Variants in UBE2E2 observed in about 807,000 individuals in gnomAD.
The protein encoded by UBE2E2 is ubiquitin-conjugating enzyme E2 E2.
Under a neutral mutation model 24.7 loss-of-function variants are expected in UBE2E2, and 6 were observed. The observed-to-expected ratio is 0.24, with a 90% CI of 0.13 to 0.48. The LOEUF (loss-of-function observed/expected upper bound fraction) is 0.48, where lower values mean the gene tolerates loss of function less well. UBE2E2 is among the 20% of genes least tolerant of loss of function. UBE2E2 has a pLI of 0.99. For missense variants in UBE2E2, 169 were observed against 245.0 expected (o/e 0.69, Z 2.07); for synonymous variants, 104 against 83.6 (o/e 1.24, Z -1.33).
At chr3:23,251,367 A>G (rs1697570307) in intron 3 of UBE2E2, among the ~76,000 whole-genome samples, 1 of 152,166 alleles carries the variant, frequency 6.6e-6, no homozygotes. Context: ...ATAATGGTCT[A>G]ATTGTGTATC....
intron 4 of UBE2E2, among the ~76,000 whole-genome samples, chr3:23,523,609 T>C (rs1469571621): frequency 8.4e-6 from 1 of 119,462 alleles, no homozygotes; most frequent in African/African-American, 3.1e-5. Context: ...ATAATATTCC[T>C]ATGGGGTGGG....
At chr3:23,329,955 A>T (rs4858500) in intron 3 of UBE2E2, among the ~76,000 whole-genome samples, 1 of 152,068 alleles carries the variant, frequency 6.6e-6, no homozygotes, top group Non-Finnish European at 1.5e-5. Flanking sequence ...CTGCTTCTGC[A>T]TTAAGTGGTA....
At chr3:23,322,409 ATTT>A (rs1694764755) in intron 3 of UBE2E2, among the ~76,000 whole-genome samples, 1 of 152,172 alleles carries the variant, frequency 6.6e-6, no homozygotes, top group Admixed American at 6.5e-5. Context: ...GCTATGAGAA[ATTT>A]CTGTTTTTCC....
intron 3 of UBE2E2, among the ~76,000 whole-genome samples, chr3:23,298,352 C>T (rs1698972267): frequency 6.6e-6 from 1 of 151,858 alleles, no homozygotes; most frequent in African/African-American, 2.4e-5. Context: ...GAGAGGGCAT[C>T]CCTGTCTTGT....
rs560928102 is a variant in UBE2E2 at position 23,419,668 on chromosome 3, C to T, written c.228-79940C>T. 3.3e-5 allele frequency among the ~76,000 whole-genome samples: 5 copies of T among 152,272 alleles called. No individual in the cohort carries two copies. In the South Asian group the frequency reaches 8.3e-4, roughly 25 times the overall value. On this transcript the variant is annotated intron_variant, in intron 3 of 5. Transcript: ENST00000396703. Reference sequence around the variant, plus strand: ...AAAAGCCAAACTAGATTGTGAGCTCCCTGAGAGCAGGGACATACTCCTTTC... The same window carrying T: ...AAAAGCCAAACTAGATTGTGAGCTCTCTGAGAGCAGGGACATACTCCTTTC...
chr3:23,535,152 T>G (rs1318249020), intron 5 of UBE2E2, among the ~76,000 whole-genome samples: 1 of 152,234 alleles, frequency 6.6e-6, no homozygotes, highest in Non-Finnish European at 1.5e-5. Context: ...ATGGGTCACT[T>G]AACTTTCCAC....
rs968474941 is a variant in UBE2E2 at position 23,214,440 on chromosome 3, G to A, written c.177-2822G>A. Among the ~76,000 whole-genome samples, 3 of 151,770 alleles carry A rather than the reference G, an allele frequency of 2.0e-5. No individual in the cohort carries two copies. The East Asian group carries it at 5.8e-4, about 29-fold the overall frequency. The stretch of plus-strand genomic sequence containing the variant: ...AACAGTTTCCTGAATTTTTTGTAGA[G>A]GAGTCTCACTGTGTTGTGCAGGTTG... On this transcript the variant is annotated intron_variant, in intron 2 of 5. Coordinates refer to ENST00000396703, the MANE Select transcript of UBE2E2 (RefSeq NM_152653.4).
At chr3:23,259,157 G>T (rs1436928171) in intron 3 of UBE2E2, among the ~76,000 whole-genome samples, 1 of 152,064 alleles carries the variant, frequency 6.6e-6, no homozygotes, top group Non-Finnish European at 1.5e-5. Context: ...TTACCAACCA[G>T]CACTTCTGCG....
intron 3 of UBE2E2, among the ~76,000 whole-genome samples, chr3:23,338,595 A>G (rs554296197): frequency 1.9e-4 from 29 of 152,228 alleles, no homozygotes; most frequent in African/African-American, 7.0e-4. Flanking sequence ...GAAAAACTGA[A>G]TTGGGGACTG....
chr3:23,560,627 T>C (rs1214709474), intron 5 of UBE2E2, among the ~76,000 whole-genome samples: 3 of 152,122 alleles, frequency 2.0e-5, no homozygotes, highest in Non-Finnish European at 2.9e-5. Flanking sequence ...TTCTAGATCC[T>C]TGAGGAATCG....
At chr3:23,204,640 TAG>T (rs1575467596) in intron 1 of UBE2E2, 7 of 959,818 alleles carry the variant, frequency 7.3e-6, no homozygotes, top group African/African-American at 3.5e-5. Context: ...GACGCTGAAA[TAG>T]AGTGTTTTCA....
At chr3:23,273,336 G>A (rs1003258549) in intron 3 of UBE2E2, among the ~76,000 whole-genome samples, 1 of 152,082 alleles carries the variant, frequency 6.6e-6, no homozygotes, top group South Asian at 2.1e-4. Flanking sequence ...TCAGGAGATC[G>A]AGACCATGGT....
intron 5 of UBE2E2, among the ~76,000 whole-genome samples, chr3:23,535,467 C>G (rs1695233638): frequency 6.6e-6 from 1 of 152,116 alleles, no homozygotes; most frequent in African/African-American, 2.4e-5. Context: ...GATTATCACT[C>G]AGGTGGCAGA....
intron 3 of UBE2E2, among the ~76,000 whole-genome samples, chr3:23,313,971 C>A (rs1269091724): frequency 6.6e-6 from 1 of 152,036 alleles, no homozygotes; most frequent in African/African-American, 2.4e-5. Context: ...AATAATATAA[C>A]CATTATTTTA....
chr3:23,209,960 A>G (rs1168881512), intron 2 of UBE2E2, among the ~76,000 whole-genome samples: 7 of 152,098 alleles, frequency 4.6e-5, no homozygotes, highest in South Asian at 4.1e-4. Context: ...TGAGACCTGT[A>G]TACTAGACCA....
chr3:23,244,041 C>G (rs930304538), intron 3 of UBE2E2, among the ~76,000 whole-genome samples: 5 of 150,234 alleles, frequency 3.3e-5, no homozygotes, highest in Non-Finnish European at 5.9e-5. Context: ...AGTTTTTAGT[C>G]TCTTATTATG....
chr3:23,356,628 C>T (rs1189434467), intron 3 of UBE2E2, among the ~76,000 whole-genome samples: 2 of 152,188 alleles, frequency 1.3e-5, no homozygotes, highest in African/African-American at 2.4e-5. Flanking sequence ...AAAGTTTGCT[C>T]CTCATCAGTG....
chr3:23,261,350 T>A (rs1365132313), intron 3 of UBE2E2, among the ~76,000 whole-genome samples: 1 of 152,152 alleles, frequency 6.6e-6, no homozygotes, highest in Non-Finnish European at 1.5e-5. Context: ...TAAAATTGTG[T>A]ATATTTAAGG....
chr3:23,366,832 C>T (rs558113990), intron 3 of UBE2E2, among the ~76,000 whole-genome samples: 1 of 152,040 alleles, frequency 6.6e-6, no homozygotes, highest in East Asian at 1.9e-4. Context: ...AAAAATTACA[C>T]TAAAACTTAG....
Sources: allele counts gnomAD v4.1 joint callset (sites outside exome capture counted in the v4.1 genomes callset), GRCh38; gene constraint gnomAD v4.1.1; transcripts MANE v1.5; gene names NCBI Gene and HGNC (gene_info 2026-07-23, HGNC 2026-07-21).